Variants in ZNF92 observed in about 807,000 individuals in gnomAD.
ZNF92 encodes epididymis luminal protein 203.
In ZNF92, 11 loss-of-function variants were observed where a neutral mutation model predicts 12.4. The ratio of observed to expected loss-of-function variants is 0.89; its 90% CI spans 0.56 to 1.47. ZNF92 has a LOEUF of 1.47. Among genes scored for constraint, ZNF92 ranks in the 40% most tolerant of loss-of-function variants. The pLI, the probability that ZNF92 is intolerant of heterozygous loss-of-function variation, is 0.00. For missense variants in ZNF92, 622 were observed against 681.0 expected, an observed-to-expected ratio of 0.91 and a Z score of 0.96; for synonymous variants, 206 against 228.6, an observed-to-expected ratio of 0.90 and a Z score of 0.89.
intron 3 of ZNF92, among the ~76,000 whole-genome samples, chr7:65,396,728 T>G (rs1449960794): frequency 6.6e-6 from 1 of 152,138 alleles, no homozygotes; most frequent in Non-Finnish European, 1.5e-5. Flanking sequence ...TTGCTCAGGC[T>G]GATCTTGAAC....
intron 1 of ZNF92, among the ~76,000 whole-genome samples, chr7:65,384,540 AATTTTG>A (rs1224800070): frequency 6.6e-6 from 1 of 152,104 alleles, no homozygotes; most frequent in African/African-American, 2.4e-5. Context: ...TTAATTTCTT[AATTTTG>A]TATTAAAATC....
chr7:65,393,589 A>G (rs756263586), intron 3 of ZNF92, among the ~76,000 whole-genome samples: 17 of 152,158 alleles, frequency 1.1e-4, no homozygotes, highest in Admixed American at 5.9e-4. Flanking sequence ...ATATTTTAAA[A>G]TAATGGCTAC....
chr7:65,389,458 T>C (rs1793654965), intron 3 of ZNF92, among the ~76,000 whole-genome samples: 1 of 152,126 alleles, frequency 6.6e-6, no homozygotes, highest in Non-Finnish European at 1.5e-5. Context: ...TGACTACTTT[T>C]CCATTGCTTT....
intron 3 of ZNF92, among the ~76,000 whole-genome samples, chr7:65,389,833 A>G (rs916265568): frequency 8.6e-5 from 13 of 151,122 alleles, no homozygotes; most frequent in African/African-American, 3.2e-4. Flanking sequence ...TATTATTAAT[A>G]TTACTATTAT....
At chr7:65,376,737 G>T (rs1012483180) in intron 1 of ZNF92, among the ~76,000 whole-genome samples, 1 of 152,132 alleles carries the variant, frequency 6.6e-6, no homozygotes, top group Admixed American at 6.6e-5. Context: ...GAGCCACCGC[G>T]CCTAGCCCAC....
In ZNF92 at chr7:65,399,803, A is replaced by G. The variant is rs1584295307; in HGVS notation, c.1689A>G (p.Lys563=). ...ATCAGATAATTTATACTGGAGAGAAACCCTGCAAACATGAATGTGGCAGAG... is the reference window on the plus strand; with the variant it reads ...ATCAGATAATTTATACTGGAGAGAAGCCCTGCAAACATGAATGTGGCAGAG... ...ITHQIIYTGE[K]PCKHECGRAF... The change falls in exon 4 of 4, where the codon AAA becomes AAG. Residue 563 remains lysine (K), a synonymous_variant. Coordinates refer to ENST00000328747, the MANE Select transcript of ZNF92 (RefSeq NM_152626.4). 1 of 1,612,274 alleles carries G rather than the reference A, an allele frequency of 6.2e-7. No individual in the cohort carries two copies. Among genetic ancestry groups the G allele is most frequent in the East Asian group, 2.2e-5 (1 of 44,810 alleles).
rs1200873704 is a variant in ZNF92 at position 65,373,909 on chromosome 7, G to T, written c.-89G>T. ...TAGTCTTCACTGCTCTGCGTCCTGT[G>T]CTGATAAAGGCTCGCCGCTGTGACC... On this transcript the variant is annotated 5_prime_UTR_variant, in exon 1 of 4. Transcript: ENST00000328747. The T allele has an allele frequency of 3.2e-6, 5 of 1,576,306 alleles. No individual in the cohort carries two copies. Among genetic ancestry groups the T allele is most frequent in the Non-Finnish European group, 4.4e-6 (5 of 1,145,974 alleles).
At position 65,373,880 on chromosome 7, in the gene ZNF92, C is replaced by T. The variant is rs932817145; in HGVS notation, c.-118C>T. ...GTCTCTCGCTGCAGCCGGCGCTCCA[C>T]GTCTAGTCTTCACTGCTCTGCGTCC... is the stretch of plus-strand genomic sequence containing the variant. On this transcript the variant is annotated 5_prime_UTR_variant, in exon 1 of 4. In the 5' UTR this introduces an upstream ATG that the reference lacks. Transcript: ENST00000328747. 16 of 1,423,020 alleles carry T rather than the reference C, an allele frequency of 1.1e-5. No individual in the cohort carries two copies. The Admixed American group carries it at 1.7e-4, about 15-fold the overall frequency. 88.1% of individuals were successfully genotyped at this position (1,423,020 alleles called of 1,614,324 possible). A position where few individuals can be genotyped will look rare whatever the true frequency, so the allele number is the denominator to read the frequency against.
At chr7:65,385,596 G>T (rs1321197506) in intron 1 of ZNF92, among the ~76,000 whole-genome samples, 1 of 152,038 alleles carries the variant, frequency 6.6e-6, no homozygotes, top group African/African-American at 2.4e-5. Context: ...GTAGCAGAGG[G>T]CATCTGAGGA....
intron 3 of ZNF92, among the ~76,000 whole-genome samples, chr7:65,395,829 A>G (rs1345974035): frequency 2.0e-5 from 3 of 152,156 alleles, no homozygotes; most frequent in South Asian, 2.1e-4. Context: ...TTGTATAGAT[A>G]TAGATCTTTT....
At chr7:65,389,407 G>C (rs547372524) in intron 3 of ZNF92, among the ~76,000 whole-genome samples, 19 of 152,244 alleles carry the variant, frequency 1.2e-4, no homozygotes, top group African/African-American at 4.6e-4. Context: ...TTTACAGTGA[G>C]AGCCAAAGTC....
chr7:65,383,514 G>T (rs1237092006), intron 1 of ZNF92, among the ~76,000 whole-genome samples: 1 of 152,040 alleles, frequency 6.6e-6, no homozygotes, highest in Non-Finnish European at 1.5e-5. Context: ...TGAGAGTGTG[G>T]CTATTTGAGC....
intron 3 of ZNF92, among the ~76,000 whole-genome samples, chr7:65,392,294 A>G (rs748260960): frequency 1.3e-5 from 2 of 151,640 alleles, no homozygotes; most frequent in Admixed American, 6.6e-5. Context: ...TAAATATTGT[A>G]TAATTTCCTT....
intron 1 of ZNF92, among the ~76,000 whole-genome samples, chr7:65,377,186 T>C (rs1793266177): frequency 6.6e-6 from 1 of 152,142 alleles, no homozygotes; most frequent in Admixed American, 6.6e-5. Flanking sequence ...TTTTGCTGGA[T>C]TTTTCAAACA....
rs766984071 is a variant in ZNF92, at chr7:65,388,073, C to A, written c.130+45C>A. 2.0e-6 allele frequency: 3 copies of A among 1,537,164 alleles called. No individual in the cohort carries two copies. In the South Asian group the frequency reaches 3.6e-5, roughly 19 times the overall value. ...ACAATACACAATGCTCTAAAAGTTT[C>A]ATTTCTCCTCTTTGTAAAATGTTTT... On this transcript the variant is annotated intron_variant, in intron 2 of 3. Transcript: ENST00000328747.
At chr7:65,379,546 C>A (rs959847496) in intron 1 of ZNF92, among the ~76,000 whole-genome samples, 2 of 152,080 alleles carry the variant, frequency 1.3e-5, no homozygotes, top group Non-Finnish European at 2.9e-5. Context: ...TGATTCCCAC[C>A]CACTTACAAA....
chr7:65,393,922 C>T (rs931586208), intron 3 of ZNF92, among the ~76,000 whole-genome samples: 1 of 151,168 alleles, frequency 6.6e-6, no homozygotes, highest in Admixed American at 6.6e-5. Flanking sequence ...CTTCATTTCT[C>T]ATCAAGTTAT....
At chr7:65,389,024 A>G in intron 3 of ZNF92, 123 bp downstream of exon 3, 1 of 758,316 alleles carries the variant, frequency 1.3e-6, no homozygotes, top group South Asian at 1.6e-5. Context: ...CAAGGGTGTG[A>G]TCTTGGCTTA....
chr7:65,373,982 C>G lies in ZNF92; in HGVS notation c.-16C>G. ...GGTTCACAGCTAAGACGCCAGGACC[C>G]CCTGGAAGCCTAGAAATGGTGAGCC... is the stretch of plus-strand genomic sequence containing the variant. On this transcript the variant is annotated 5_prime_UTR_variant, in exon 1 of 4. Coordinates refer to ENST00000328747, the MANE Select transcript of ZNF92 (RefSeq NM_152626.4). The G allele has an allele frequency of 6.2e-7, 1 of 1,614,110 alleles. No individual in the cohort carries two copies. The highest frequency in any genetic ancestry group is 8.5e-7 in the Non-Finnish European group (1 of 1,179,994).
Sources: gnomAD v4.1 joint callset for allele counts (sites outside exome capture counted in the v4.1 genomes callset) on GRCh38, gnomAD v4.1.1 for gene constraint, MANE v1.5 for transcripts, NCBI Gene and HGNC (gene_info 2026-07-23, HGNC 2026-07-21) for gene names.